The following RAB27B variants were observed in gnomAD, a reference collection of about 807,000 sequenced individuals.
The protein encoded by RAB27B is ras-related protein Rab-27B.
Under a neutral mutation model 24.6 loss-of-function variants are expected in RAB27B, and 15 were observed. That is an observed-to-expected ratio of 0.61 (90% CI 0.41 to 0.94). The LOEUF is 0.94. Among genes scored for constraint, RAB27B ranks in the 40% least tolerant of loss-of-function variants. RAB27B has a pLI of 0.00. For synonymous variants in RAB27B, 105 were observed against 92.5 expected (o/e 1.14, Z -0.78); for missense variants, 261 against 266.8 (o/e 0.98, Z 0.15).
chr18:54,760,013 G>A (rs1908133141), intron 2 of RAB27B, among the ~76,000 whole-genome samples: 1 of 152,196 alleles, frequency 6.6e-6, no homozygotes, highest in African/African-American at 2.4e-5. Context: ...ACAGAGGACT[G>A]TCAAACCGAG....
Position 54,739,136 on chromosome 18 carries a change from C to G in RAB27B, c.-20+20995C>G, listed in dbSNP as rs1833297. The stretch of plus-strand genomic sequence containing the variant: ...GTTGTTTCATTTTAATTTATTAGTA[C>G]TCAATAGTATTCCACCATATAGAAA... On this transcript the variant is annotated intron_variant, in intron 2 of 4. Transcript: ENST00000586570. Among the ~76,000 whole-genome samples the G allele has an allele frequency of 2.5e-3, 385 of 152,198 alleles. 4 individuals carry two copies. In the South Asian group the frequency reaches 0.028, roughly 11 times the overall value.
At chr18:54,857,580 G>A (rs1441886293) in intron 1 of RAB27B, among the ~76,000 whole-genome samples, 1 of 152,240 alleles carries the variant, frequency 6.6e-6, no homozygotes, top group East Asian at 1.9e-4. Context: ...GACATGATCA[G>A]GTTAAATAGA....
intron 2 of RAB27B, among the ~76,000 whole-genome samples, chr18:54,812,897 C>T (rs1388132128): frequency 1.3e-5 from 2 of 151,998 alleles, no homozygotes; most frequent in Non-Finnish European, 2.9e-5. Flanking sequence ...AATATTTTCC[C>T]CATCTTCTTG....
At chr18:54,863,559 A>C (rs1912090185) in intron 1 of RAB27B, among the ~76,000 whole-genome samples, 1 of 152,190 alleles carries the variant, frequency 6.6e-6, no homozygotes, top group South Asian at 2.1e-4. Flanking sequence ...TAAAGAGTAC[A>C]GTTCAGTGTT....
At chr18:54,848,352 A>C (rs1438378598) in intron 1 of RAB27B, among the ~76,000 whole-genome samples, 1 of 152,188 alleles carries the variant, frequency 6.6e-6, no homozygotes, top group African/African-American at 2.4e-5. Flanking sequence ...AGAGATTTTT[A>C]TGTTAGGTCT....
intron 2 of RAB27B, among the ~76,000 whole-genome samples, chr18:54,739,488 C>A (rs1273798273): frequency 6.7e-6 from 1 of 149,170 alleles, no homozygotes; most frequent in East Asian, 2.0e-4. Flanking sequence ...GAAAGAAATA[C>A]TACCTTTTTA....
intron 2 of RAB27B, among the ~76,000 whole-genome samples, chr18:54,770,408 G>C (rs1908506102): frequency 6.6e-6 from 1 of 151,888 alleles, no homozygotes; most frequent in South Asian, 2.1e-4. Context: ...GGATCTAAGT[G>C]TGTACTCCTT....
At chr18:54,745,752 A>G (rs938240023) in intron 2 of RAB27B, among the ~76,000 whole-genome samples, 1 of 147,270 alleles carries the variant, frequency 6.8e-6, no homozygotes, top group Non-Finnish European at 1.5e-5. Flanking sequence ...ATGTATTCAT[A>G]AATATTTATA....
chr18:54,831,252 A>C (rs1910662688), intron 1 of RAB27B, among the ~76,000 whole-genome samples: 1 of 152,180 alleles, frequency 6.6e-6, no homozygotes, highest in Non-Finnish European at 1.5e-5. Context: ...CAAGTAATGG[A>C]ATGATCCATG....
intron 1 of RAB27B, among the ~76,000 whole-genome samples, chr18:54,855,329 C>A (rs190860934): frequency 6.6e-6 from 1 of 152,186 alleles, no homozygotes; most frequent in Admixed American, 6.5e-5. Context: ...TCCTAACAGG[C>A]CACTGACCAA....
intron 2 of RAB27B, among the ~76,000 whole-genome samples, chr18:54,746,862 G>A (rs1910264856): frequency 6.6e-6 from 1 of 152,022 alleles, no homozygotes; most frequent in Admixed American, 6.6e-5. Context: ...TTGTATACTT[G>A]CATTTCATAA....
At chr18:54,741,445 A>T (rs1447497596) in intron 2 of RAB27B, among the ~76,000 whole-genome samples, 2 of 152,164 alleles carry the variant, frequency 1.3e-5, no homozygotes, top group African/African-American at 4.8e-5. Context: ...GCTACTAAGA[A>T]TCATTCCAAT....
intron 2 of RAB27B, chr18:54,745,305 G>A (rs1050909160): frequency 1.6e-5 from 3 of 183,098 alleles, no homozygotes; most frequent in South Asian, 1.2e-4. Context: ...ATCATCTCCC[G>A]TGAACGCCCA....
intron 2 of RAB27B, among the ~76,000 whole-genome samples, chr18:54,783,069 C>T (rs541783533): frequency 6.3e-4 from 96 of 152,132 alleles, no homozygotes; most frequent in South Asian, 1.0e-3. Context: ...ACGATTCTTC[C>T]GCCTCAGCCT....
chr18:54,850,361 C>T (rs12606352), intron 1 of RAB27B, among the ~76,000 whole-genome samples: 2,885 of 60,164 alleles, frequency 0.048, 55 homozygotes, highest in African/African-American at 0.12. Flanking sequence ...TATATATATA[C>T]ATACATACAT....
chr18:54,772,884 A>G (rs1342225907), intron 2 of RAB27B, among the ~76,000 whole-genome samples: 1 of 152,102 alleles, frequency 6.6e-6, no homozygotes. Flanking sequence ...CTTTCTTTGT[A>G]CAACTTTCCC....
chr18:54,799,444 G>GTA (rs974951035), intron 2 of RAB27B, among the ~76,000 whole-genome samples: 5 of 151,798 alleles, frequency 3.3e-5, no homozygotes, highest in African/African-American at 1.2e-4. Context: ...TCCCCATAGG[G>GTA]TATAATATGT....
chr18:54,830,214 T>G (rs772723334), intron 1 of RAB27B, among the ~76,000 whole-genome samples: 2 of 152,236 alleles, frequency 1.3e-5, no homozygotes, highest in Non-Finnish European at 1.5e-5. Flanking sequence ...TCAGTTGGTA[T>G]GCCAGTTTAC....
At chr18:54,874,554 A>C (rs1390787270) in intron 1 of RAB27B, among the ~76,000 whole-genome samples, 1 of 106,554 alleles carries the variant, frequency 9.4e-6, no homozygotes, top group Non-Finnish European at 2.0e-5. Flanking sequence ...TCATACACAC[A>C]CATTTGCTAA....
Sources: gnomAD v4.1 joint callset for allele counts (sites outside exome capture counted in the v4.1 genomes callset) on GRCh38, gnomAD v4.1.1 for gene constraint, MANE v1.5 for transcripts, NCBI Gene and HGNC (gene_info 2026-07-23, HGNC 2026-07-21) for gene names.